Variants in GALNT17 observed in about 807,000 individuals in gnomAD.
The protein encoded by GALNT17 is UDP-GalNAc:polypeptide N-acetylgalactosaminyltransferase-like 3.
GALNT17 carries 29 observed loss-of-function variants against 63.7 expected under a neutral mutation model. The observed-to-expected ratio is 0.46, with a 90% confidence interval of 0.34 to 0.62. The LOEUF is 0.62. GALNT17 is among the 20% of genes least tolerant of loss of function. The pLI, the probability that GALNT17 is intolerant of heterozygous loss-of-function variation, is 0.01. For missense variants in GALNT17, 603 were observed against 799.6 expected (o/e 0.75, Z 2.97); for synonymous variants, 305 against 318.3 (o/e 0.96, Z 0.45).
chr7:71,299,238 C>T (rs1257581179), intron 1 of GALNT17, among the ~76,000 whole-genome samples: 1 of 152,108 alleles, frequency 6.6e-6, no homozygotes, highest in Non-Finnish European at 1.5e-5. Flanking sequence ...AAGGCCAGTG[C>T]TCTTGCATGT....
At chr7:71,181,697 C>T (rs1297929304) in intron 1 of GALNT17, among the ~76,000 whole-genome samples, 1 of 151,460 alleles carries the variant, frequency 6.6e-6, no homozygotes, top group East Asian at 1.9e-4. Context: ...AGCAAGATCC[C>T]ATCCCTATAA....
chr7:71,402,474 C>G (rs1443771887), intron 3 of GALNT17, among the ~76,000 whole-genome samples: 1 of 152,208 alleles, frequency 6.6e-6, no homozygotes, highest in Non-Finnish European at 1.5e-5. Flanking sequence ...GTTCTGGAAG[C>G]TTTTGCATTT....
chr7:71,608,188 G>A lies in GALNT17; in HGVS notation c.1080+36786G>A, dbSNP rs577993779. Among the ~76,000 whole-genome samples the A allele has an allele frequency of 7.9e-4, 120 of 152,172 alleles. 1 individual carries two copies. Among genetic ancestry groups the A allele is most frequent in the African/African-American group, 2.8e-3 (115 of 41,492 alleles). ...TGCATGTGAGTACATAAATCATATA[G>A]TCATCTGAGAGTTTCACCCCCTGAA... On this transcript the variant is annotated intron_variant, in intron 6 of 10. Coordinates refer to ENST00000333538, the MANE Select transcript of GALNT17 (RefSeq NM_022479.3).
chr7:71,546,950 A>G (rs1788994750), intron 5 of GALNT17, among the ~76,000 whole-genome samples: 1 of 151,998 alleles, frequency 6.6e-6, no homozygotes, highest in African/African-American at 2.4e-5. Flanking sequence ...TTTTATCTTT[A>G]TCTTGGTTTT....
chr7:71,364,477 G>A (rs1792464548), intron 2 of GALNT17, among the ~76,000 whole-genome samples: 1 of 152,130 alleles, frequency 6.6e-6, no homozygotes, highest in Non-Finnish European at 1.5e-5. Flanking sequence ...GATTCCCAAG[G>A]CAACATACCA....
At chr7:71,359,977 G>C (rs1251356896) in intron 2 of GALNT17, among the ~76,000 whole-genome samples, 1 of 152,200 alleles carries the variant, frequency 6.6e-6, no homozygotes, top group Non-Finnish European at 1.5e-5. Flanking sequence ...GGAGATACTA[G>C]ATTGAAGGCT....
At chr7:71,676,423 G>A (rs1005296461) in intron 8 of GALNT17, among the ~76,000 whole-genome samples, 4 of 150,638 alleles carry the variant, frequency 2.7e-5, no homozygotes, top group African/African-American at 9.8e-5. Flanking sequence ...TTGCTCTGTC[G>A]CCCAGGCTGG....
At chr7:71,143,298 C>CT in intron 1 of GALNT17, among the ~76,000 whole-genome samples, 1 of 148,362 alleles carries the variant, frequency 6.7e-6, no homozygotes, top group Non-Finnish European at 1.5e-5. Flanking sequence ...GGCGGGCACC[C>CT]GTCATCCCAG....
At chr7:71,558,743 T>G (rs1789205488) in intron 5 of GALNT17, among the ~76,000 whole-genome samples, 2 of 152,220 alleles carry the variant, frequency 1.3e-5, no homozygotes, top group African/African-American at 4.8e-5. Flanking sequence ...CAAGGAAATA[T>G]GATTACCAAA....
At chr7:71,590,620 C>T (rs1040450477) in intron 6 of GALNT17, among the ~76,000 whole-genome samples, 2 of 152,182 alleles carry the variant, frequency 1.3e-5, no homozygotes, top group Admixed American at 1.3e-4. Context: ...ACTATTTCCA[C>T]AGAAAAAGGG....
chr7:71,423,095 C>T lies in GALNT17; in HGVS notation c.962+1990C>T, dbSNP rs559234974. Among the ~76,000 whole-genome samples the T allele has an allele frequency of 2.5e-4, 38 of 152,284 alleles. 4 individuals are homozygous for T. In the East Asian group the frequency reaches 2.9e-3, roughly 12 times the overall value. ...ACGTCCAGCCGCTTGTGTCTGTGCC[C>T]ACTGTGGTCCCGGGTTTTTATGGGC... On this transcript the variant is annotated intron_variant, in intron 5 of 10. Transcript: ENST00000333538.
intron 5 of GALNT17, among the ~76,000 whole-genome samples, chr7:71,472,900 C>T (rs144620202): frequency 6.6e-6 from 1 of 152,186 alleles, no homozygotes; most frequent in African/African-American, 2.4e-5. Flanking sequence ...TCTTCTGAGC[C>T]AATATGAGTG....
chr7:71,364,790 A>G (rs74522105), intron 2 of GALNT17, among the ~76,000 whole-genome samples: 2,369 of 152,254 alleles, frequency 0.016, 54 homozygotes, highest in African/African-American at 0.054. Context: ...AATTCTTTAA[A>G]GATGTAGGAA....
intron 4 of GALNT17, among the ~76,000 whole-genome samples, chr7:71,420,672 C>A (rs116102042): frequency 1.4e-3 from 207 of 152,270 alleles, no homozygotes; most frequent in African/African-American, 4.6e-3. Flanking sequence ...GCAGGCATCA[C>A]TCTAGTGATT....
chr7:71,416,284 C>T (rs1275455806), intron 4 of GALNT17, among the ~76,000 whole-genome samples: 5 of 152,220 alleles, frequency 3.3e-5, no homozygotes, highest in African/African-American at 7.2e-5. Context: ...TTGGCATCAT[C>T]GTCATCATCA....
rs555399515 is a variant in GALNT17, at chr7:71,148,787, G to A, written c.238+15747G>A. 3.4e-5 allele frequency among the ~76,000 whole-genome samples: 5 copies of A among 148,094 alleles called. No individual in the cohort carries two copies. In the East Asian group the frequency reaches 8.0e-4, roughly 24 times the overall value. On this transcript the variant is annotated intron_variant, in intron 1 of 10. Coordinates refer to ENST00000333538, the MANE Select transcript of GALNT17 (RefSeq NM_022479.3). ...GGTAGCGTACTTTTTCCCCCTCAGG[G>A]TACATAAAAATGGAGTATCTTATAG...
chr7:71,287,716 T>G (rs1790900124), intron 1 of GALNT17, among the ~76,000 whole-genome samples: 1 of 152,182 alleles, frequency 6.6e-6, no homozygotes. Context: ...GCTGTGTTCT[T>G]ATAATCAAGA....
intron 9 of GALNT17, among the ~76,000 whole-genome samples, chr7:71,707,622 T>C (rs1791739491): frequency 6.6e-6 from 1 of 152,208 alleles, no homozygotes; most frequent in Non-Finnish European, 1.5e-5. Context: ...TGATCTAGGC[T>C]GGACTCATTC....
chr7:71,257,334 T>C (rs1216805868), intron 1 of GALNT17, among the ~76,000 whole-genome samples: 7 of 152,204 alleles, frequency 4.6e-5, no homozygotes, highest in Admixed American at 3.3e-4. Context: ...AGTCAGGGTG[T>C]CCATTATGAA....
Sources: allele counts gnomAD v4.1 joint callset (sites outside exome capture counted in the v4.1 genomes callset), GRCh38; gene constraint gnomAD v4.1.1; transcripts MANE v1.5; gene names NCBI Gene and HGNC (gene_info 2026-07-23, HGNC 2026-07-21).